The following DPP10 variants were observed in gnomAD, a reference collection of about 807,000 sequenced individuals.
The protein encoded by DPP10 is inactive dipeptidyl peptidase 10.
DPP10 carries 33 observed loss-of-function variants against 120.9 expected under a neutral mutation model. The observed-to-expected ratio is 0.27, with a 90% CI of 0.21 to 0.37. DPP10 has a LOEUF of 0.37. DPP10 is among the 10% of genes least tolerant of loss of function. The pLI, the probability that DPP10 is intolerant of heterozygous loss-of-function variation, is 1.00. For missense variants in DPP10, 816 were observed against 942.8 expected (o/e 0.87, Z 1.76); for synonymous variants, 337 against 326.1 (o/e 1.03, Z -0.36).
chr2:115,360,596 G>A (rs1298658778), intron 3 of DPP10, among the ~76,000 whole-genome samples: 2 of 152,134 alleles, frequency 1.3e-5, no homozygotes, highest in African/African-American at 4.8e-5. Flanking sequence ...GGGGAATCAG[G>A]GGATGACTCT....
rs535257323 is a variant in DPP10, at chr2:114,558,899, A to G, written c.60+116061A>G. On this transcript the variant is annotated intron_variant, in intron 1 of 25. Coordinates refer to ENST00000410059, the MANE Select transcript of DPP10 (RefSeq NM_020868.6). The stretch of plus-strand genomic sequence containing the variant: ...TTTGTGGTATCCATGAGTGATTCCA[A>G]TTAATTTGTATTGGGTATTTCAATA... 3.3e-5 allele frequency among the ~76,000 whole-genome samples: 5 copies of G among 152,310 alleles called. No individual in the cohort carries two copies. In the East Asian group the frequency reaches 7.7e-4, roughly 23 times the overall value.
At chr2:114,559,906 A>AAAAAAAAAAAAG (rs1688628332) in intron 1 of DPP10, among the ~76,000 whole-genome samples, 1 of 151,782 alleles carries the variant, frequency 6.6e-6, no homozygotes, top group South Asian at 2.1e-4. Context: ...AAAAAAAAAA[A>AAAAAAAAAAAAG]AAAAAACAAA....
Position 115,587,091 on chromosome 2 carries a change from T to TTC in DPP10, c.441+61120_441+61121insCT, listed in dbSNP as rs199622632. Among the ~76,000 whole-genome samples, 118 of 119,146 alleles carry TTC rather than the reference T, an allele frequency of 9.9e-4. 1 individual carries two copies. Among genetic ancestry groups the TTC allele is most frequent in the East Asian group, 3.8e-3 (13 of 3,430 alleles). The allele number at this position is 119,146 out of a possible 152,430, so 78.2% of individuals were successfully genotyped here. On this transcript the variant is annotated intron_variant, in intron 5 of 25. Coordinates refer to ENST00000410059, the MANE Select transcript of DPP10 (RefSeq NM_020868.6). ...TTTCTTTTCTTTTTTTTCTCTTTCT[T>TTC]TTTTTTTTTTTTTTTTTTTCTTTTG...
At chr2:115,013,086 A>G (rs1702378690) in intron 1 of DPP10, among the ~76,000 whole-genome samples, 1 of 152,140 alleles carries the variant, frequency 6.6e-6, no homozygotes, top group Non-Finnish European at 1.5e-5. Context: ...GTTTCTTCAT[A>G]GTGTCGATGG....
At chr2:114,892,705 G>A (rs1574430504) in intron 1 of DPP10, among the ~76,000 whole-genome samples, 2 of 152,234 alleles carry the variant, frequency 1.3e-5, no homozygotes, top group Admixed American at 1.3e-4. Flanking sequence ...CCTGTACATT[G>A]CCTGTGAAAA....
intron 1 of DPP10, among the ~76,000 whole-genome samples, chr2:114,872,186 C>A (rs1690739328): frequency 6.6e-6 from 1 of 152,144 alleles, no homozygotes. Context: ...CTCACAGTTT[C>A]ACATGGCTAT....
chr2:115,683,146 G>A (rs1345214775), intron 5 of DPP10, among the ~76,000 whole-genome samples: 2 of 151,758 alleles, frequency 1.3e-5, no homozygotes, highest in Non-Finnish European at 2.9e-5. Context: ...TCTAGACTAT[G>A]CAATATTGTT....
rs529748420 is a variant in DPP10 at position 114,852,888 on chromosome 2, C to T, written c.60+410050C>T. Among the ~76,000 whole-genome samples the T allele has an allele frequency of 1.6e-3, 244 of 152,250 alleles. 1 individual carries two copies. Among genetic ancestry groups the T allele is most frequent in the African/African-American group, 5.3e-3 (219 of 41,544 alleles). On this transcript the variant is annotated intron_variant, in intron 1 of 25. Coordinates refer to ENST00000410059, the MANE Select transcript of DPP10 (RefSeq NM_020868.6). ...AAAGTTTTGCTTTTCCTCCCAAATA[C>T]GCAACTCTTCATACTACTTCCAAGA...
intron 1 of DPP10, among the ~76,000 whole-genome samples, chr2:114,641,907 A>G (rs1228604473): frequency 6.6e-6 from 1 of 151,976 alleles, no homozygotes; most frequent in Non-Finnish European, 1.5e-5. Context: ...GTTGATGTGT[A>G]TGCTTAGTTT....
At chr2:115,109,298 G>A (rs1222281073) in intron 1 of DPP10, among the ~76,000 whole-genome samples, 1 of 152,164 alleles carries the variant, frequency 6.6e-6, no homozygotes, top group Non-Finnish European at 1.5e-5. Flanking sequence ...AGCAGTTTGG[G>A]AGGCCGAGGT....
At chr2:115,354,782 T>C (rs186007983) in intron 3 of DPP10, among the ~76,000 whole-genome samples, 26 of 152,166 alleles carry the variant, frequency 1.7e-4, no homozygotes, top group African/African-American at 6.3e-4. Flanking sequence ...CTCCCACTTA[T>C]GAGTGAGAAC....
chr2:114,546,667 G>A (rs904186502), intron 1 of DPP10, among the ~76,000 whole-genome samples: 10 of 152,242 alleles, frequency 6.6e-5, no homozygotes, highest in South Asian at 4.2e-4. Context: ...GGTGACATCC[G>A]TATCTCCTAA....
At chr2:115,173,677 T>G (rs763320823) in intron 1 of DPP10, among the ~76,000 whole-genome samples, 26 of 152,144 alleles carry the variant, frequency 1.7e-4, no homozygotes, top group Non-Finnish European at 3.5e-4. Context: ...CAGCGTAAAA[T>G]CTGCAGATGG....
intron 3 of DPP10, among the ~76,000 whole-genome samples, chr2:115,375,332 G>A (rs1048579774): frequency 2.6e-5 from 4 of 152,132 alleles, no homozygotes; most frequent in African/African-American, 9.7e-5. Flanking sequence ...CTAAAATATA[G>A]CAAGAGTGAC....
chr2:115,288,358 T>C lies in DPP10; in HGVS notation c.61-20881T>C, dbSNP rs189920383. ...TGAGAAATATCTGTTCATATGATTA[T>C]CTCAATAGACTCTTCTGAGTCTATT... is the stretch of plus-strand genomic sequence containing the variant. On this transcript the variant is annotated intron_variant, in intron 1 of 25. Coordinates refer to ENST00000410059, the MANE Select transcript of DPP10 (RefSeq NM_020868.6). Among the ~76,000 whole-genome samples, 140 of 152,158 alleles carry C rather than the reference T, an allele frequency of 9.2e-4. No individual in the cohort carries two copies. The Middle Eastern group carries it at 0.017, about 18-fold the overall frequency.
chr2:115,572,793 C>CATAATAATGTTTTTTAAAA (rs2081414702), intron 5 of DPP10, among the ~76,000 whole-genome samples: 1 of 152,124 alleles, frequency 6.6e-6, no homozygotes, highest in African/African-American at 2.4e-5. Context: ...CAAAGTGTAA[C>CATAATAATGTTTTTTAAAA]ATTATTATTT....
chr2:114,685,972 G>A (rs1358623867), intron 1 of DPP10, among the ~76,000 whole-genome samples: 1 of 151,868 alleles, frequency 6.6e-6, no homozygotes, highest in Non-Finnish European at 1.5e-5. Flanking sequence ...GTTCTCATAA[G>A]CAATTATTAC....
intron 1 of DPP10, among the ~76,000 whole-genome samples, chr2:114,485,799 C>A (rs1048328479): frequency 1.3e-5 from 2 of 152,024 alleles, no homozygotes; most frequent in Non-Finnish European, 2.9e-5. Flanking sequence ...ACGTGCCTGA[C>A]CAAAGAGCTG....
At chr2:115,471,582 TTC>T (rs1040868728) in intron 3 of DPP10, among the ~76,000 whole-genome samples, 1 of 88,108 alleles carries the variant, frequency 1.1e-5, no homozygotes, top group Non-Finnish European at 2.3e-5. Context: ...TCTTTTCTTT[TTC>T]TCTCTTTTAT....
Sources: gnomAD v4.1 joint callset for allele counts (sites outside exome capture counted in the v4.1 genomes callset) on GRCh38, gnomAD v4.1.1 for gene constraint, MANE v1.5 for transcripts, NCBI Gene and HGNC (gene_info 2026-07-23, HGNC 2026-07-21) for gene names.